Variants in TMEM114 observed in about 807,000 individuals in gnomAD.
TMEM114 encodes the protein transmembrane protein 114.
A neutral mutation model predicts 6.2 loss-of-function variants in TMEM114; 6 were observed. That is an observed-to-expected ratio of 0.97 (90% CI 0.53 to 1.91). The LOEUF is 1.91. TMEM114 is among the 40% of genes most tolerant of loss of function. The pLI is 0.01. For synonymous variants in TMEM114, 104 were observed against 73.0 expected (o/e 1.42, Z -2.16); for missense variants, 218 against 158.3 (o/e 1.38, Z -2.02).
intron 2 of TMEM114, among the ~76,000 whole-genome samples, chr16:8,539,520 C>A (rs1201024370): frequency 2.6e-5 from 4 of 152,092 alleles, no homozygotes; most frequent in Non-Finnish European, 4.4e-5. Context: ...GCTCACACCA[C>A]CCTCTCCTTC....
At chr16:8,528,666 A>G in the TMEM114 span, among the ~76,000 whole-genome samples, 1 of 152,232 alleles carries the variant, frequency 6.6e-6, no homozygotes, top group Non-Finnish European at 1.5e-5. Context: ...GTAAATCTGC[A>G]TTGTCAGCTT....
At chr16:8,547,477 C>T (rs1403166643) in intron 2 of TMEM114, among the ~76,000 whole-genome samples, 3 of 151,566 alleles carry the variant, frequency 2.0e-5, no homozygotes, top group African/African-American at 7.3e-5. Context: ...ACTACAACCT[C>T]TGCCTCCTGG....
intron 2 of TMEM114, among the ~76,000 whole-genome samples, chr16:8,560,003 T>G (rs927612903): frequency 6.6e-6 from 1 of 151,934 alleles, no homozygotes; most frequent in Non-Finnish European, 1.5e-5. Context: ...CTTGTTGTGG[T>G]TGTTGTTGTT....
chr16:8,551,924 T>C (rs1219143229), intron 2 of TMEM114, among the ~76,000 whole-genome samples: 2 of 152,146 alleles, frequency 1.3e-5, no homozygotes, highest in Non-Finnish European at 2.9e-5. Flanking sequence ...AAGGAGCAAA[T>C]GCAACAAAGT....
Position 8,569,642 on chromosome 16 carries a change from TGGGGGAAGGAGGG to T in TMEM114, c.*118_*130del, listed in dbSNP as rs1408485648. On this transcript the variant is annotated 3_prime_UTR_variant, in exon 4 of 4. Coordinates refer to ENST00000620492, the MANE Select transcript of TMEM114 (RefSeq NM_001146336.2). Reference sequence around the variant, plus strand: ...CCCAAGCTTAGTCCGCGGGGATTTGTGGGGGAAGGAGGGGGGTGCCTGGCCTCCCCGAGTGGCC... The same window carrying T: ...CCCAAGCTTAGTCCGCGGGGATTTGTGGGTGCCTGGCCTCCCCGAGTGGCC... 23 of 1,439,150 alleles carry T rather than the reference TGGGGGAAGGAGGG, an allele frequency of 1.6e-5. No homozygotes were observed. In the South Asian group the frequency reaches 2.4e-4, roughly 15 times the overall value. 89.1% of individuals were successfully genotyped at this position (1,439,150 alleles called of 1,614,324 possible). A position where few individuals can be genotyped will look rare whatever the true frequency, so the allele number is the denominator to read the frequency against.
In TMEM114 at chr16:8,572,094, G is replaced by C. The variant is rs944335274; in HGVS notation, c.432C>G (p.Leu144=). 3.9e-6 allele frequency: 6 copies of C among 1,547,710 alleles called. No individual in the cohort carries two copies. The highest frequency in any genetic ancestry group is 5.2e-6 in the Non-Finnish European group (6 of 1,144,954). The change falls in exon 3 of 4, where the codon CTC becomes CTG. Residue 144 remains leucine, a synonymous_variant. Coordinates refer to ENST00000620492, the MANE Select transcript of TMEM114 (RefSeq NM_001146336.2). ...GGCAGGGTGGGCACCTACCTCCAAAGAGGAAGAGAATTCCAGTGAGCAGGA... is the reference window on the plus strand; with the variant it reads ...GGCAGGGTGGGCACCTACCTCCAAACAGGAAGAGAATTCCAGTGAGCAGGA... ...LLLLLTGILF[L]FGAMVTLAGI...
At chr16:8,561,257 T>G (rs1901190175) in intron 2 of TMEM114, among the ~76,000 whole-genome samples, 1 of 152,246 alleles carries the variant, frequency 6.6e-6, no homozygotes, top group Admixed American at 6.5e-5. Flanking sequence ...TGGGCAACAC[T>G]TATTGAGCTA....
downstream of TMEM114, among the ~76,000 whole-genome samples, chr16:8,568,346 G>T (rs781543483): frequency 6.6e-6 from 1 of 151,758 alleles, no homozygotes; most frequent in Non-Finnish European, 1.5e-5. Flanking sequence ...ACCGACTGGC[G>T]TGGAGAATAG....
chr16:8,587,796 C>A (rs1220783475), intron 2 of TMEM114, among the ~76,000 whole-genome samples: 1 of 152,086 alleles, frequency 6.6e-6, no homozygotes, highest in Non-Finnish European at 1.5e-5. Context: ...TGAGCTAAGA[C>A]CGTGCCACTG....
At chr16:8,563,329 G>GTGAGTGAATGAGTGAA (rs1901354386) in intron 2 of TMEM114, among the ~76,000 whole-genome samples, 1 of 150,096 alleles carries the variant, frequency 6.7e-6, no homozygotes, top group Admixed American at 6.6e-5. Flanking sequence ...GAGGGTATGA[G>GTGAGTGAATGAGTGAA]TGAGTGAATG....
chr16:8,537,585 T>A (rs184285256), downstream of TMEM114: 1 of 152,244 alleles, frequency 6.6e-6, no homozygotes, highest in Admixed American at 6.5e-5. Context: ...ATGCTAATAT[T>A]TTAATAAACA....
At chr16:8,548,656 T>C (rs1475245143) in intron 2 of TMEM114, among the ~76,000 whole-genome samples, 2 of 146,298 alleles carry the variant, frequency 1.4e-5, no homozygotes, top group African/African-American at 5.2e-5. Context: ...TTTTTTGTCC[T>C]TTTCTTGCCC....
At chr16:8,529,400 C>A in the TMEM114 span, among the ~76,000 whole-genome samples, 1 of 152,166 alleles carries the variant, frequency 6.6e-6, no homozygotes, top group Non-Finnish European at 1.5e-5. Context: ...TTCCTTGTCG[C>A]TGGAAGCAGC....
At chr16:8,534,953 T>G (rs1277111712), downstream of TMEM114, among the ~76,000 whole-genome samples, 1 of 152,232 alleles carries the variant, frequency 6.6e-6, no homozygotes. Context: ...AGAGAACAGC[T>G]ACTCCTGTCA....
At chr16:8,560,790 G>A (rs1017399968) in intron 2 of TMEM114, among the ~76,000 whole-genome samples, 2 of 152,172 alleles carry the variant, frequency 1.3e-5, no homozygotes, top group East Asian at 1.9e-4. Flanking sequence ...CCAGGAGAAG[G>A]CACCAAAGTC....
At chr16:8,539,091 G>C (rs1400543276) in intron 2 of TMEM114, among the ~76,000 whole-genome samples, 1 of 151,988 alleles carries the variant, frequency 6.6e-6, no homozygotes, top group Admixed American at 6.5e-5. Flanking sequence ...ATTTTTTTTA[G>C]TTACTTCCAC....
chr16:8,526,634 C>A, the TMEM114 span: 1 of 152,582 alleles, frequency 6.6e-6, no homozygotes, highest in South Asian at 2.0e-4. Flanking sequence ...TGTAAGTTTC[C>A]TGAGGGCTCC....
intron 2 of TMEM114, among the ~76,000 whole-genome samples, chr16:8,586,938 G>T (rs1317200089): frequency 6.6e-6 from 1 of 152,112 alleles, no homozygotes; most frequent in South Asian, 2.1e-4. Flanking sequence ...AGGTGTCTAG[G>T]GTATGTCTCC....
the TMEM114 span, among the ~76,000 whole-genome samples, chr16:8,530,533 G>T: frequency 6.6e-6 from 1 of 151,556 alleles, no homozygotes; most frequent in South Asian, 2.1e-4. Flanking sequence ...GAAAGAAGGA[G>T]ACAGGGAAGG....
Sources: allele counts gnomAD v4.1 joint callset (sites outside exome capture counted in the v4.1 genomes callset), GRCh38; gene constraint gnomAD v4.1.1; transcripts MANE v1.5; gene names NCBI Gene and HGNC (gene_info 2026-07-23, HGNC 2026-07-21).